The following IQSEC1 variants were observed in gnomAD, a reference collection of about 807,000 sequenced individuals.
IQSEC1 encodes IQ motif and SEC7 domain-containing protein 1.
A neutral mutation model predicts 91.0 loss-of-function variants in IQSEC1; 31 were observed. That is an observed-to-expected ratio of 0.34 (90% CI 0.26 to 0.46). The LOEUF (loss-of-function observed/expected upper bound fraction) is 0.46. IQSEC1 is among the 20% of genes least tolerant of loss of function. The pLI, the probability that IQSEC1 is intolerant of heterozygous loss-of-function variation, is 1.00. For missense variants in IQSEC1, 1,388 were observed against 1,575.6 expected, an observed-to-expected ratio of 0.88 and a Z score of 2.02; for synonymous variants, 699 against 662.6, an observed-to-expected ratio of 1.05 and a Z score of -0.84.
chr3:13,254,133 C>T (rs1228325885), intron 1 of IQSEC1, among the ~76,000 whole-genome samples: 1 of 152,254 alleles, frequency 6.6e-6, no homozygotes, highest in African/African-American at 2.4e-5. Context: ...CAACGCTGCC[C>T]TCTGACCTCA....
chr3:12,925,631 A>T (rs1200575412), intron 3 of IQSEC1, among the ~76,000 whole-genome samples: 1 of 152,200 alleles, frequency 6.6e-6, no homozygotes, highest in Non-Finnish European at 1.5e-5. Flanking sequence ...TGCAGGGCTG[A>T]GTGTGTCCAC....
chr3:12,907,573 G>A (rs1287943875), intron 12 of IQSEC1, among the ~76,000 whole-genome samples: 5 of 152,044 alleles, frequency 3.3e-5, no homozygotes, highest in Non-Finnish European at 7.4e-5. Context: ...AGCCTGCAGC[G>A]GCACGAGCCG....
chr3:12,903,521 G>A (rs1694612172), intron 12 of IQSEC1, among the ~76,000 whole-genome samples: 3 of 152,226 alleles, frequency 2.0e-5, no homozygotes, highest in Admixed American at 2.0e-4. Flanking sequence ...CCTTCCCTAA[G>A]CCAGGAGGTC....
At chr3:13,082,653 A>AG (rs1705664095) in intron 2 of IQSEC1, among the ~76,000 whole-genome samples, 2 of 152,090 alleles carry the variant, frequency 1.3e-5, no homozygotes, top group South Asian at 4.1e-4. Flanking sequence ...CTCCCTTCTT[A>AG]CTGTTCTAAA....
intron 1 of IQSEC1, among the ~76,000 whole-genome samples, chr3:13,247,360 A>C (rs1220415855): frequency 6.6e-6 from 1 of 151,990 alleles, no homozygotes; most frequent in Non-Finnish European, 1.5e-5. Flanking sequence ...CATTTCCTCC[A>C]TTGCCCCCAG....
At chr3:13,206,197 C>G (rs941095188) in intron 1 of IQSEC1, among the ~76,000 whole-genome samples, 1 of 152,032 alleles carries the variant, frequency 6.6e-6, no homozygotes, top group African/African-American at 2.4e-5. Flanking sequence ...ACCCATCCAC[C>G]CCTCCATCCA....
At chr3:12,986,000 C>T (rs996033412) in intron 1 of IQSEC1, among the ~76,000 whole-genome samples, 6 of 152,188 alleles carry the variant, frequency 3.9e-5, no homozygotes, top group Admixed American at 3.3e-4. Flanking sequence ...GACTGAGTGC[C>T]CATGGGCCTT....
Position 12,900,267 on chromosome 3 carries a change from G to A in IQSEC1, c.*716C>T. On this transcript the variant is annotated 3_prime_UTR_variant, in exon 14 of 14. Coordinates refer to ENST00000613206, the MANE Select transcript of IQSEC1 (RefSeq NM_001134382.3). Reference sequence around the variant, plus strand: ...GTAAAGATTTTAGCCAGTCCTAGAGGGACTTCTTTGTATGAAAATATGAAG... The same window carrying A: ...GTAAAGATTTTAGCCAGTCCTAGAGAGACTTCTTTGTATGAAAATATGAAG... 3.0e-6 allele frequency: 3 copies of A among 984,798 alleles called. No individual in the cohort carries two copies. Among genetic ancestry groups the A allele is most frequent in the Non-Finnish European group, 3.6e-6 (3 of 829,642 alleles). The allele number at this position is 984,798 out of a possible 1,614,324, so 61.0% of individuals were successfully genotyped here. A position where few individuals can be genotyped will look rare whatever the true frequency, so the allele number is the denominator to read the frequency against.
At chr3:12,998,528 GTAAT>G (rs1464082366) in intron 1 of IQSEC1, among the ~76,000 whole-genome samples, 2 of 152,154 alleles carry the variant, frequency 1.3e-5, no homozygotes, top group African/African-American at 4.8e-5. Context: ...ACTCTTACCT[GTAAT>G]CCCAGCTGCT....
chr3:13,234,305 CTG>C (rs1694886321), intron 1 of IQSEC1, among the ~76,000 whole-genome samples: 1 of 147,904 alleles, frequency 6.8e-6, no homozygotes, highest in Admixed American at 6.8e-5. Flanking sequence ...GGTGTGAGTC[CTG>C]TGTCTGTGTG....
intron 6 of IQSEC1, among the ~76,000 whole-genome samples, chr3:12,918,185 C>A (rs187887155): frequency 2.7e-3 from 406 of 152,364 alleles, no homozygotes; most frequent in Middle Eastern, 0.01. Flanking sequence ...GAAAGAATGT[C>A]CCTGAGCTCT....
intron 2 of IQSEC1, among the ~76,000 whole-genome samples, chr3:13,096,282 C>G (rs1156272464): frequency 6.6e-6 from 1 of 152,242 alleles, no homozygotes; most frequent in Admixed American, 6.5e-5. Flanking sequence ...TCTTGGGGAG[C>G]TCACAGTCTT....
At chr3:13,140,496 G>T (rs996918972) in intron 2 of IQSEC1, among the ~76,000 whole-genome samples, 1 of 152,222 alleles carries the variant, frequency 6.6e-6, no homozygotes, top group Non-Finnish European at 1.5e-5. Context: ...AACTTCACAG[G>T]TAAGCTGGGA....
chr3:13,064,678 A>G (rs1245042256), intron 1 of IQSEC1, among the ~76,000 whole-genome samples: 1 of 152,254 alleles, frequency 6.6e-6, no homozygotes, highest in Non-Finnish European at 1.5e-5. Context: ...GAGCAGTTGC[A>G]TTCCTGGAAA....
At chr3:13,248,769 A>G (rs1198050761) in intron 1 of IQSEC1, among the ~76,000 whole-genome samples, 1 of 152,190 alleles carries the variant, frequency 6.6e-6, no homozygotes, top group Non-Finnish European at 1.5e-5. Flanking sequence ...CATGTTATAG[A>G]TGAGGAAACT....
chr3:13,157,458 T>C (rs1001135312), intron 2 of IQSEC1, among the ~76,000 whole-genome samples: 7 of 152,262 alleles, frequency 4.6e-5, no homozygotes, highest in African/African-American at 1.7e-4. Flanking sequence ...CCAGAGGCCA[T>C]TCAAGGGTCT....
intron 1 of IQSEC1, among the ~76,000 whole-genome samples, chr3:13,261,635 A>G (rs1381206146): frequency 6.6e-6 from 1 of 151,506 alleles, no homozygotes; most frequent in Non-Finnish European, 1.5e-5. Flanking sequence ...GGAGCTGGTG[A>G]CCAAGCATCT....
intron 1 of IQSEC1, among the ~76,000 whole-genome samples, chr3:13,235,536 G>T (rs1339125816): frequency 6.6e-6 from 1 of 152,110 alleles, no homozygotes; most frequent in East Asian, 1.9e-4. Context: ...GCAGGAGGGG[G>T]AAATTGCCCA....
Position 13,193,340 on chromosome 3 carries a change from A to G in IQSEC1, c.273-29207T>C, listed in dbSNP as rs144063366. Among the ~76,000 whole-genome samples the G allele has an allele frequency of 6.0e-4, 91 of 152,288 alleles. No homozygotes were observed. Among genetic ancestry groups the G allele is most frequent in the African/African-American group, 2.2e-3 (91 of 41,558 alleles). On this transcript the variant is annotated intron_variant, in intron 1 of 15. Coordinates refer to the IQSEC1 transcript ENST00000648114. This position sits in a 1 kb window ranked among gnomAD's most constrained non-coding sequence, Gnocchi z 4.2. ...TGGCAATGTCTTTTACATTCTGAAT[A>G]CATATTTGGGGGTGGGAGGTCTGAA...
Sources: gnomAD v4.1 joint callset for allele counts (sites outside exome capture counted in the v4.1 genomes callset) on GRCh38, gnomAD v4.1.1 for gene constraint, Gnocchi (gnomAD v3.1) non-coding constraint, MANE v1.5 for transcripts, NCBI Gene and HGNC (gene_info 2026-07-23, HGNC 2026-07-21) for gene names.